The following RAP1B variants were observed in gnomAD, a reference collection of about 807,000 sequenced individuals.
RAP1B encodes the protein ras-related protein Rap-1b.
Under a neutral mutation model 27.5 loss-of-function variants are expected in RAP1B, and 1 was observed. The ratio of observed to expected loss-of-function variants is 0.04; its 90% CI spans 0.01 to 0.17. The LOEUF (loss-of-function observed/expected upper bound fraction) is 0.17, where lower values mean the gene tolerates loss of function less well. Among genes scored for constraint, RAP1B ranks in the 10% least tolerant of loss-of-function variants. The pLI is 1.00. For synonymous variants in RAP1B, 75 were observed against 73.1 expected, an observed-to-expected ratio of 1.03 and a Z score of -0.13; for missense variants, 84 against 214.8, an observed-to-expected ratio of 0.39 and a Z score of 3.81.
At chr12:68,625,385 G>T (rs552685775) in intron 1 of RAP1B, among the ~76,000 whole-genome samples, 1 of 152,218 alleles carries the variant, frequency 6.6e-6, no homozygotes, top group East Asian at 1.9e-4. Flanking sequence ...CAGTGCGTGC[G>T]TAAGCAGGTA....
chr12:68,659,193 CT>C, intron 7 of RAP1B, 86 bp from the exon 8 acceptor site: 1 of 452,502 alleles, frequency 2.2e-6, no homozygotes, highest in Non-Finnish European at 4.4e-6. Flanking sequence ...ATTTCTAACA[CT>C]TTTAAGACTG....
intron 7 of RAP1B, among the ~76,000 whole-genome samples, chr12:68,657,871 TCA>T (rs138840887): frequency 1.4e-3 from 197 of 145,182 alleles, no homozygotes; most frequent in Non-Finnish European, 2.4e-3. Context: ...CATGTGCCAG[TCA>T]CACACACACA....
rs1875008711 is a variant in RAP1B at position 68,669,883 on chromosome 12, A to G, written c.*10634A>G. On this transcript the variant is annotated 3_prime_UTR_variant, in exon 8 of 8. Coordinates refer to ENST00000250559, the MANE Select transcript of RAP1B (RefSeq NM_001010942.3). ...GTAGAGTAGAACTGAGTCCAGAACT[A>G]GATTCCAGTATATGACGTTTATACG... 6.6e-6 allele frequency: 1 copy of G among 151,924 alleles called. No individual in the cohort carries two copies. Among genetic ancestry groups the G allele is most frequent in the Admixed American group, 6.6e-5 (1 of 15,236 alleles). The allele number at this position is 151,924 out of a possible 1,614,324, so 9.4% of individuals were successfully genotyped here. A position where few individuals can be genotyped will look rare whatever the true frequency, so the allele number is the denominator to read the frequency against.
intron 1 of RAP1B, among the ~76,000 whole-genome samples, chr12:68,634,538 G>C (rs1872495908): frequency 6.6e-6 from 1 of 152,008 alleles, no homozygotes; most frequent in South Asian, 2.1e-4. Context: ...AGCCTATTTG[G>C]AAAGATCTGA....
chr12:68,632,129 G>GTTTTTTTTTGTTT (rs1872288247), intron 1 of RAP1B, among the ~76,000 whole-genome samples: 3 of 104,412 alleles, frequency 2.9e-5, no homozygotes, highest in African/African-American at 1.3e-4. Context: ...TTTTGGATTT[G>GTTTTTTTTTGTTT]TTTTTTTTTT....
intron 1 of RAP1B, among the ~76,000 whole-genome samples, chr12:68,617,230 G>A (rs923176922): frequency 6.6e-6 from 1 of 152,096 alleles, no homozygotes; most frequent in Non-Finnish European, 1.5e-5. Flanking sequence ...GTTTTTATGC[G>A]CCAAAAGGTA....
intron 1 of RAP1B, among the ~76,000 whole-genome samples, chr12:68,637,623 A>AAAAAAAAAAAAAAAAAAAAG (rs1872720393): frequency 6.6e-6 from 1 of 150,510 alleles, no homozygotes; most frequent in Non-Finnish European, 1.5e-5. Flanking sequence ...AAAAAAAAAA[A>AAAAAAAAAAAAAAAAAAAAG]AAAAACAAGA....
At chr12:68,611,544 G>T (rs1870590996) in intron 1 of RAP1B, among the ~76,000 whole-genome samples, 1 of 152,080 alleles carries the variant, frequency 6.6e-6, no homozygotes, top group Non-Finnish European at 1.5e-5. Flanking sequence ...GCTTCTCCCA[G>T]CCCCGAGCTA....
Position 68,665,298 on chromosome 12 carries a change from G to C in RAP1B, c.*6049G>C, listed in dbSNP as rs1874802751. The stretch of plus-strand genomic sequence containing the variant: ...GATAACCCAGAGAGGGGTAATGGTA[G>C]AGCCAGAATTAACACAGCCAGCTTG... On this transcript the variant is annotated 3_prime_UTR_variant, in exon 8 of 8. Coordinates refer to ENST00000250559, the MANE Select transcript of RAP1B (RefSeq NM_001010942.3). 6.6e-6 allele frequency: 1 copy of C among 152,238 alleles called. No individual in the cohort carries two copies. The highest frequency in any genetic ancestry group is 2.4e-5 in the African/African-American group (1 of 41,454). 9.4% of individuals were successfully genotyped at this position (152,238 alleles called of 1,614,324 possible). A position where few individuals can be genotyped will look rare whatever the true frequency, so the allele number is the denominator to read the frequency against.
intron 1 of RAP1B, among the ~76,000 whole-genome samples, chr12:68,640,847 A>G (rs1257466702): frequency 1.3e-5 from 2 of 152,210 alleles, no homozygotes; most frequent in South Asian, 2.1e-4. Context: ...AAGCTACCCC[A>G]TAAGACCAGT....
At chr12:68,622,087 A>G (rs1871424689) in intron 1 of RAP1B, among the ~76,000 whole-genome samples, 1 of 152,226 alleles carries the variant, frequency 6.6e-6, no homozygotes, top group African/African-American at 2.4e-5. Flanking sequence ...CCTAGGTGAC[A>G]GGCTTCAGTT....
chr12:68,665,656 T>C lies in RAP1B; in HGVS notation c.*6407T>C, dbSNP rs1874814589. ...AGTATGCTATAGACCAGCAGTAATTTTGTGCTCTAAAATGCTTATTTTTAT... is the reference window on the plus strand; with the variant it reads ...AGTATGCTATAGACCAGCAGTAATTCTGTGCTCTAAAATGCTTATTTTTAT... On this transcript the variant is annotated 3_prime_UTR_variant, in exon 8 of 8. Coordinates refer to ENST00000250559, the MANE Select transcript of RAP1B (RefSeq NM_001010942.3). 1 of 152,208 alleles carries C rather than the reference T, an allele frequency of 6.6e-6. No individual in the cohort carries two copies. Among genetic ancestry groups the C allele is most frequent in the Admixed American group, 6.5e-5 (1 of 15,278 alleles). The allele number at this position is 152,208 out of a possible 1,614,324, so 9.4% of individuals were successfully genotyped here. A position where few individuals can be genotyped will look rare whatever the true frequency, so the allele number is the denominator to read the frequency against.
At chr12:68,650,282 G>GT (rs1873720013) in intron 2 of RAP1B, 118 bp from the exon 3 acceptor site, 2 of 943,168 alleles carry the variant, frequency 2.1e-6, no homozygotes, top group East Asian at 6.6e-5. Flanking sequence ...AGTATTGGCT[G>GT]TGGTTTTTTT....
At chr12:68,641,701 A>T (rs1354328075) in intron 1 of RAP1B, among the ~76,000 whole-genome samples, 1 of 152,112 alleles carries the variant, frequency 6.6e-6, no homozygotes, top group East Asian at 1.9e-4. Context: ...AATACTAAAA[A>T]CTACCCAAAA....
chr12:68,632,160 T>A (rs79610194), intron 1 of RAP1B, among the ~76,000 whole-genome samples: 3 of 144,802 alleles, frequency 2.1e-5, no homozygotes, highest in African/African-American at 2.7e-5. Context: ...GTTTTTTTTT[T>A]CCAGACTGTT....
At chr12:68,647,382 T>TCC (rs1565670496) in intron 1 of RAP1B, among the ~76,000 whole-genome samples, 12 of 1,934 alleles carry the variant, frequency 6.2e-3, no homozygotes, top group Non-Finnish European at 9.3e-3. Context: ...CCCACTCCAC[T>TCC]CCCCGCCCCC....
chr12:68,625,674 A>G (rs1288900340), intron 1 of RAP1B, among the ~76,000 whole-genome samples: 2 of 152,144 alleles, frequency 1.3e-5, no homozygotes, highest in African/African-American at 4.8e-5. Flanking sequence ...TAATCCCAAC[A>G]CTTTGGGAGG....
In RAP1B at chr12:68,650,475, AT is replaced by A; in HGVS notation, c.126+9del. 1 of 1,501,348 alleles carries A rather than the reference AT, an allele frequency of 6.7e-7. No individual in the cohort carries two copies. The highest frequency in any genetic ancestry group is 8.9e-7 in the Non-Finnish European group (1 of 1,121,828). The allele number at this position is 1,501,348 out of a possible 1,614,324, so 93.0% of individuals were successfully genotyped here. A position where few individuals can be genotyped will look rare whatever the true frequency, so the allele number is the denominator to read the frequency against. On this transcript the variant is annotated splice_region_variant and intron_variant, in intron 3 of 7. Transcript: ENST00000250559. ...AGAAGATTCTTATAGAAAGGTATAT[AT>A]TACTTTGGAAGGCCTTTTGCTTTTG...
intron 1 of RAP1B, chr12:68,627,005 C>T: frequency 1.3e-6 from 2 of 1,568,104 alleles, no homozygotes; most frequent in South Asian, 1.1e-5. Context: ...TGAAGCCCCA[C>T]TTCTTTGAGA....
Sources: gnomAD v4.1 joint callset for allele counts (sites outside exome capture counted in the v4.1 genomes callset) on GRCh38, gnomAD v4.1.1 for gene constraint, MANE v1.5 for transcripts, NCBI Gene and HGNC (gene_info 2026-07-23, HGNC 2026-07-21) for gene names.